The following PTPRK variants were observed in gnomAD, a reference collection of about 807,000 sequenced individuals.
PTPRK encodes the protein receptor-type tyrosine-protein phosphatase kappa.
A neutral mutation model predicts 178.0 loss-of-function variants in PTPRK; 75 were observed. That is an observed-to-expected ratio of 0.42 (90% CI 0.35 to 0.51). The LOEUF (loss-of-function observed/expected upper bound fraction) is 0.51, where lower values mean the gene tolerates loss of function less well. Ranked by LOEUF, PTPRK falls within the 20% of genes least tolerant of loss-of-function variation. The probability of loss-of-function intolerance (pLI) is 0.02; values close to 1 mark genes in which losing one functional copy is unlikely to be tolerated. For missense variants in PTPRK, 1,441 were observed against 1,797.8 expected (o/e 0.80, Z 3.59); for synonymous variants, 637 against 620.6 (o/e 1.03, Z -0.39).
At chr6:128,328,261 G>C (rs1829830456) in intron 2 of PTPRK, among the ~76,000 whole-genome samples, 1 of 152,204 alleles carries the variant, frequency 6.6e-6, no homozygotes, top group Non-Finnish European at 1.5e-5. Flanking sequence ...TACTATGACA[G>C]GGCAGGTAAT....
chr6:128,394,658 G>T (rs1189570527), intron 2 of PTPRK, among the ~76,000 whole-genome samples: 1 of 152,082 alleles, frequency 6.6e-6, no homozygotes, highest in Non-Finnish European at 1.5e-5. Context: ...CTATTTGGCA[G>T]ACCTTTCAGT....
chr6:128,101,797 A>G (rs932232409), intron 7 of PTPRK, among the ~76,000 whole-genome samples: 6 of 152,164 alleles, frequency 3.9e-5, no homozygotes, highest in African/African-American at 9.6e-5. Flanking sequence ...AAACTAATGT[A>G]GCACTGTCCA....
intron 3 of PTPRK, among the ~76,000 whole-genome samples, chr6:128,274,683 G>A (rs1033741915): frequency 1.3e-5 from 2 of 152,026 alleles, no homozygotes; most frequent in East Asian, 1.9e-4. Context: ...CCAAACAAAT[G>A]GTTTAGAAAT....
At chr6:128,152,844 C>T (rs1275760482) in intron 7 of PTPRK, among the ~76,000 whole-genome samples, 2 of 151,940 alleles carry the variant, frequency 1.3e-5, no homozygotes, top group African/African-American at 2.4e-5. Flanking sequence ...TGATGTGACT[C>T]ACAAAGGGGG....
intron 13 of PTPRK, among the ~76,000 whole-genome samples, chr6:128,047,706 C>A (rs1055962632): frequency 1.3e-5 from 2 of 152,044 alleles, no homozygotes; most frequent in Non-Finnish European, 2.9e-5. Context: ...AATACCTGAA[C>A]CTTTACACTA....
intron 7 of PTPRK, among the ~76,000 whole-genome samples, chr6:128,134,876 C>A (rs112996163): frequency 6.6e-6 from 1 of 152,000 alleles, no homozygotes; most frequent in Non-Finnish European, 1.5e-5. Flanking sequence ...CCCTCCATAA[C>A]GTGGGTGAAC....
At chr6:128,104,684 G>A (rs1025227613) in intron 7 of PTPRK, among the ~76,000 whole-genome samples, 1 of 152,120 alleles carries the variant, frequency 6.6e-6, no homozygotes, top group African/African-American at 2.4e-5. Flanking sequence ...ACTGATTGAA[G>A]GTTACTCTTC....
chr6:128,518,107 T>C (rs1858365014), intron 1 of PTPRK, among the ~76,000 whole-genome samples: 1 of 152,220 alleles, frequency 6.6e-6, no homozygotes, highest in Non-Finnish European at 1.5e-5. Context: ...GACTTTAAAC[T>C]CTGGGAATAA....
intron 1 of PTPRK, among the ~76,000 whole-genome samples, chr6:128,438,104 C>T (rs1845835141): frequency 2.0e-5 from 3 of 152,216 alleles, no homozygotes; most frequent in South Asian, 2.1e-4. Context: ...AACGGCCCCA[C>T]GCAGTTCAAG....
chr6:128,121,123 T>C (rs1792391035), intron 7 of PTPRK, among the ~76,000 whole-genome samples: 1 of 151,950 alleles, frequency 6.6e-6, no homozygotes. Flanking sequence ...ACTATTACTA[T>C]GTAAAACTAC....
intron 1 of PTPRK, among the ~76,000 whole-genome samples, chr6:128,477,788 T>C (rs1357492450): frequency 6.6e-6 from 1 of 152,154 alleles, no homozygotes; most frequent in Non-Finnish European, 1.5e-5. Context: ...TGACTTTTTT[T>C]ATTAGTAAAA....
chr6:128,433,861 C>G, intron 1 of PTPRK, among the ~76,000 whole-genome samples: 1 of 144,900 alleles, frequency 6.9e-6, no homozygotes, highest in Non-Finnish European at 1.5e-5. Context: ...TTATAAGTAA[C>G]TTTTACTTAC....
intron 7 of PTPRK, among the ~76,000 whole-genome samples, chr6:128,181,325 T>G (rs1386482286): frequency 1.3e-5 from 2 of 152,104 alleles, no homozygotes; most frequent in Non-Finnish European, 2.9e-5. Context: ...GTAAGTAATT[T>G]ACTTTTTGAT....
chr6:128,108,080 AC>A (rs1790028364), intron 7 of PTPRK, among the ~76,000 whole-genome samples: 1 of 136,732 alleles, frequency 7.3e-6, no homozygotes, highest in African/African-American at 2.7e-5. Context: ...ACACACACAC[AC>A]ACACACACAC....
rs1020995003 is a variant in PTPRK, at chr6:128,519,720, G to A, written c.100+539C>T. Among the ~76,000 whole-genome samples the A allele has an allele frequency of 6.6e-6, 1 of 152,214 alleles. No individual in the cohort carries two copies. The highest frequency in any genetic ancestry group is 1.5e-5 in the Non-Finnish European group (1 of 68,036). On this transcript the variant is annotated intron_variant, in intron 1 of 29. Transcript: ENST00000368226. This position sits in a 1 kb window ranked among gnomAD's most constrained non-coding sequence, Gnocchi z 4.3. ...GCAAGCCCGGGAGCAACCCAGAGCT[G>A]GGGGAGGAGAAAAGGGGACTCCGGG...
chr6:128,045,239 A>C (rs1485152366), intron 13 of PTPRK, among the ~76,000 whole-genome samples: 2 of 151,882 alleles, frequency 1.3e-5, no homozygotes, highest in African/African-American at 4.8e-5. Context: ...CCTAGACTTT[A>C]CTTTTTTCAG....
intron 3 of PTPRK, among the ~76,000 whole-genome samples, chr6:128,259,785 T>G (rs1768359): frequency 0.045 from 6,827 of 152,256 alleles, 506 homozygotes; most frequent in African/African-American, 0.16. Context: ...TTTCTAGCAG[T>G]TGAAGATATA....
chr6:128,299,016 G>A (rs529513040), intron 3 of PTPRK, among the ~76,000 whole-genome samples: 1 of 152,186 alleles, frequency 6.6e-6, no homozygotes, highest in Non-Finnish European at 1.5e-5. Flanking sequence ...AGCAACTTCA[G>A]CGAAGTCTCA....
At chr6:128,244,552 A>G (rs1056158062) in intron 3 of PTPRK, among the ~76,000 whole-genome samples, 1 of 152,238 alleles carries the variant, frequency 6.6e-6, no homozygotes, top group East Asian at 1.9e-4. Flanking sequence ...CAGGCATATT[A>G]CAATAACAAT....
Sources: gnomAD v4.1 joint callset for allele counts (sites outside exome capture counted in the v4.1 genomes callset) on GRCh38, gnomAD v4.1.1 for gene constraint, Gnocchi (gnomAD v3.1) non-coding constraint, MANE v1.5 for transcripts, NCBI Gene and HGNC (gene_info 2026-07-23, HGNC 2026-07-21) for gene names.